MMRN2: variants seen among roughly 807,000 people sequenced by gnomAD.
MMRN2 encodes multimerin-2.
A neutral mutation model predicts 68.8 loss-of-function variants in MMRN2; 53 were observed. The ratio of observed to expected loss-of-function variants is 0.77; its 90% CI spans 0.62 to 0.97. The LOEUF (loss-of-function observed/expected upper bound fraction) is 0.97, where lower values mean the gene tolerates loss of function less well. MMRN2 is among the 50% of genes least tolerant of loss of function. The pLI is 0.00. For synonymous variants in MMRN2, 564 were observed against 551.6 expected, an observed-to-expected ratio of 1.02 and a Z score of -0.32; for missense variants, 1,266 against 1,259.5, an observed-to-expected ratio of 1.01 and a Z score of -0.08.
intron 1 of MMRN2, among the ~76,000 whole-genome samples, chr10:86,952,889 A>G (rs1018140748): frequency 6.6e-6 from 1 of 152,168 alleles, no homozygotes; most frequent in African/African-American, 2.4e-5. Flanking sequence ...TCACAACCGC[A>G]TAGGACAGAC....
Position 86,937,058 on chromosome 10 carries a change from G to A in MMRN2, c.2535C>T (p.Asn845=), listed in dbSNP as rs775988982. The change falls in exon 7 of 7, where the codon AAC becomes AAT. Residue 845 remains asparagine (N), a synonymous_variant. Transcript: ENST00000372027. ...TGCTGCCAATGTTGATGTATGTGGT[G>A]TTGAACTTCACTGTCTGCAGGGCAG... ...GTAALQTVKF[N]TTYINIGSSY... 25 of 1,614,118 alleles carry A rather than the reference G, an allele frequency of 1.5e-5. No homozygotes were observed. The Admixed American group carries it at 4.2e-4, about 27-fold the overall frequency.
In MMRN2 at chr10:86,957,433, T is replaced by C; in HGVS notation, c.109A>G (p.Thr37Ala). 2 of 1,613,756 alleles carry C rather than the reference T, an allele frequency of 1.2e-6. No homozygotes were observed. Among genetic ancestry groups the C allele is most frequent in the Non-Finnish European group, 1.7e-6 (2 of 1,179,974 alleles). The part of the protein sequence containing the change: ...TSLSDLQSSR[T>A]PGVWKAEAED... ...GCCTCTGCCTTCCAGACCCCAGGTG[T>C]CCTGGAGCTCTGCAGATCAGAGAGG... The change falls in exon 1 of 7, where the codon ACA (threonine) becomes GCA (alanine). Residue 37 changes from threonine (T) to alanine (A), a missense_variant. Transcript: ENST00000372027.
rs755516197 is a variant in MMRN2 at position 86,943,411 on chromosome 10, T to A, written c.1373A>T (p.Glu458Val). The change falls in exon 6 of 7, where the codon GAG (glutamate) becomes GTG (valine). Residue 458 changes from glutamate (E) to valine (V), a missense_variant. Glu to Val is a moderately radical substitution (Grantham distance 121). Coordinates refer to ENST00000372027, the MANE Select transcript of MMRN2 (RefSeq NM_024756.3). The surrounding 1 kb of genome is among the most constrained non-coding windows in gnomAD (Gnocchi z 4.2). ...VILMEKSLIM[E>V]ENKEEVERQL... is the part of the protein sequence containing the mutation. The stretch of plus-strand genomic sequence containing the variant: ...CCGCTCCACCTCCTCCTTGTTCTCC[T>A]CCATGATCAGAGACTTCTCCATCAG... 9.3e-6 allele frequency: 15 copies of A among 1,613,916 alleles called. 1 individual carries two copies. The South Asian group carries it at 1.6e-4, about 18-fold the overall frequency.
Position 86,944,135 on chromosome 10 carries a change from C to T in MMRN2, c.656-7G>A. ...AAGGATCTATCAGGGAACTCTGCAA[C>T]AGACATGTGGTGTGACACAAGCCCT... On this transcript the variant is annotated splice_polypyrimidine_tract_variant and splice_region_variant and intron_variant, in intron 5 of 6. Transcript: ENST00000372027. The T allele has an allele frequency of 6.2e-7, 1 of 1,612,024 alleles. No homozygotes were observed. The highest frequency in any genetic ancestry group is 8.5e-7 in the Non-Finnish European group (1 of 1,178,656).
At position 86,950,899 on chromosome 10, in the gene MMRN2, T is replaced by C. The variant is rs560962348; in HGVS notation, c.165-5210A>G. On this transcript the variant is annotated intron_variant, in intron 1 of 6. Coordinates refer to ENST00000372027, the MANE Select transcript of MMRN2 (RefSeq NM_024756.3). ...TAATGCTGAGCAGTACACATGGCCCTATGGATGCGTGCACATGCATTTGCT... is the reference window on the plus strand; with the variant it reads ...TAATGCTGAGCAGTACACATGGCCCCATGGATGCGTGCACATGCATTTGCT... Among the ~76,000 whole-genome samples, 60 of 152,212 alleles carry C rather than the reference T, an allele frequency of 3.9e-4. 1 individual carries two copies. The highest frequency in any genetic ancestry group is 5.1e-4 in the Non-Finnish European group (35 of 68,030).
At chr10:86,942,234 T>G in intron 6 of MMRN2, 83 bp downstream of exon 6, 1 of 1,476,156 alleles carries the variant, frequency 6.8e-7, no homozygotes, top group Non-Finnish European at 9.0e-7. Flanking sequence ...TCTTTCTTCC[T>G]GGCCCTCTTG....
Position 86,936,285 on chromosome 10 carries a change from G to T in MMRN2, c.*458C>A. On this transcript the variant is annotated 3_prime_UTR_variant, in exon 7 of 7. Coordinates refer to ENST00000372027, the MANE Select transcript of MMRN2 (RefSeq NM_024756.3). The stretch of plus-strand genomic sequence containing the variant: ...TGCCCTCTAGTGCTTTCCAATGTTG[G>T]CCAAAATGTTGCCTCCATTTTAAAC... 1 of 420,118 alleles carries T rather than the reference G, an allele frequency of 2.4e-6. No individual in the cohort carries two copies. The highest frequency in any genetic ancestry group is 4.2e-6 in the Non-Finnish European group (1 of 238,504). 26.0% of individuals were successfully genotyped at this position (420,118 alleles called of 1,614,324 possible).
chr10:86,947,394 G>A (rs1844084928), intron 1 of MMRN2, among the ~76,000 whole-genome samples: 1 of 151,676 alleles, frequency 6.6e-6, no homozygotes, highest in African/African-American at 2.4e-5. Flanking sequence ...TTGAGACGGA[G>A]TCTCGCACTG....
intron 4 of MMRN2, 72 bp downstream of exon 4, chr10:86,945,116 C>G: frequency 7.2e-7 from 1 of 1,385,034 alleles, no homozygotes; most frequent in Non-Finnish European, 1.0e-6. Context: ...TGCTGTATCA[C>G]AGGAAAAAGG....
Position 86,942,826 on chromosome 10 carries a change from A to T in MMRN2, c.1958T>A (p.Leu653His). 5.1e-6 allele frequency: 7 copies of T among 1,367,400 alleles called. No homozygotes were observed. The highest frequency in any genetic ancestry group is 6.6e-6 in the Non-Finnish European group (7 of 1,061,588). The allele number at this position is 1,367,400 out of a possible 1,614,324, so 84.7% of individuals were successfully genotyped here. A position where few individuals can be genotyped will look rare whatever the true frequency, so the allele number is the denominator to read the frequency against. The change falls in exon 6 of 7, where the codon CTC (leucine) becomes CAC (histidine). Residue 653 changes from leucine to histidine, a missense_variant. By Grantham distance (99) the Leu-to-His change is moderately conservative. Transcript: ENST00000372027. ...TCGGGCGGCCAGCTCGTCCCAGCCG[A>T]GCGCCTGCTCCTGCAGCCCGCTAGC... ...DAASGLQEQA[L>H]GWDELAARVT... is the part of the protein sequence containing the mutation.
At chr10:86,945,757 G>A (rs1226841868) in intron 1 of MMRN2, 68 bp from the exon 2 acceptor site, 2 of 1,608,034 alleles carry the variant, frequency 1.2e-6, no homozygotes, top group South Asian at 2.2e-5. Context: ...CCAGTGCAGA[G>A]CCACCGGTCC....
At chr10:86,955,210 C>T (rs1276311630) in intron 1 of MMRN2, among the ~76,000 whole-genome samples, 4 of 152,080 alleles carry the variant, frequency 2.6e-5, no homozygotes, top group Admixed American at 6.6e-5. Flanking sequence ...GGGCTCAGCA[C>T]GGTCCCTACC....
chr10:86,950,658 T>C (rs10749543), intron 1 of MMRN2, among the ~76,000 whole-genome samples: 77,540 of 152,002 alleles, frequency 0.51, 20,106 homozygotes, highest in African/African-American at 0.6. Context: ...TCCAAGAAGA[T>C]GCAGCTGATC....
Position 86,936,802 on chromosome 10 carries a change from T to C in MMRN2, c.2791A>G (p.Ile931Val). 3 of 1,614,206 alleles carry C rather than the reference T, an allele frequency of 1.9e-6. No homozygotes were observed. The highest frequency in any genetic ancestry group is 2.5e-6 in the Non-Finnish European group (3 of 1,180,030). ...GTGCCCGACAGGCTTCTCTTTGTTA[T>C]TGATCCCTGGGTTAACTCAAACCAT... ...RVWFELTQGS[I>V]TKRSLSGTAF... The change falls in exon 7 of 7, where the codon ATA (isoleucine) becomes GTA (valine). Residue 931 changes from isoleucine to valine, a missense_variant. Transcript: ENST00000372027.
chr10:86,943,044 C>G lies in MMRN2; in HGVS notation c.1740G>C (p.Ala580=), dbSNP rs1356831537. The change falls in exon 6 of 7, where the codon GCG becomes GCC. Residue 580 remains alanine, a synonymous_variant. Coordinates refer to ENST00000372027, the MANE Select transcript of MMRN2 (RefSeq NM_024756.3). This position sits in a 1 kb window ranked among gnomAD's most constrained non-coding sequence, Gnocchi z 4.2. Reference sequence around the variant, plus strand: ...CCTCGTGGCGGGCCTCGGCCGCGGCCGCCTTCAGCGCGCCCACCTCGTCAT... The same window carrying G: ...CCTCGTGGCGGGCCTCGGCCGCGGCGGCCTTCAGCGCGCCCACCTCGTCAT... ...ALDDEVGALK[A]AAAEARHEVR... 10 of 1,359,278 alleles carry G rather than the reference C, an allele frequency of 7.4e-6. No individual in the cohort carries two copies. The highest frequency in any genetic ancestry group is 8.5e-6 in the Non-Finnish European group (9 of 1,060,144). The allele number at this position is 1,359,278 out of a possible 1,614,324, so 84.2% of individuals were successfully genotyped here. A position where few individuals can be genotyped will look rare whatever the true frequency, so the allele number is the denominator to read the frequency against.
At position 86,942,327 on chromosome 10, in the gene MMRN2, G is replaced by C. The variant is rs1843984203; in HGVS notation, c.2457C>G (p.Leu819=). 6.2e-7 allele frequency: 1 copy of C among 1,609,346 alleles called. No individual in the cohort carries two copies. The highest frequency in any genetic ancestry group is 8.5e-7 in the Non-Finnish European group (1 of 1,177,094). ...AGCCCAGGAACTCACCTGCCTCCCA[G>C]AGCGCCGCGCCCAAGGCACCTGGCA... ...GPVPGALGAA[L]WEAGSPVAFY... Residue 819 remains leucine, a synonymous_variant, in exon 6 of 7, where the codon CTC becomes CTG. Transcript: ENST00000372027.
At chr10:86,948,218 C>A (rs1844096078) in intron 1 of MMRN2, among the ~76,000 whole-genome samples, 3 of 126,434 alleles carry the variant, frequency 2.4e-5, no homozygotes, top group East Asian at 2.2e-4. Context: ...CAGCAAAACC[C>A]TATCTCAAAA....
In MMRN2 at chr10:86,943,208, G is replaced by T; in HGVS notation, c.1576C>A (p.Arg526=). Residue 526 remains arginine (R), a synonymous_variant, in exon 6 of 7, where the codon CGG becomes AGG. Transcript: ENST00000372027. The surrounding 1 kb of genome is among the most constrained non-coding windows in gnomAD (Gnocchi z 4.2). The stretch of plus-strand genomic sequence containing the variant: ...TGCAGGGAGGAGCCGTCCAGCTGCC[G>T]CCGCTCGTCCAGGCTCACCTGGGTC... ...EETQVSLDER[R]QLDGSSLQAL... is the part of the protein sequence containing the mutation. The T allele has an allele frequency of 6.2e-7, 1 of 1,609,590 alleles. No homozygotes were observed.
chr10:86,957,352 C>T (rs757703706), intron 1 of MMRN2, 26 bp downstream of exon 1: 1 of 1,611,630 alleles, frequency 6.2e-7, no homozygotes, highest in Non-Finnish European at 8.5e-7. Context: ...ACTCCATGAC[C>T]TCTGCCAAGG....
Sources: gnomAD v4.1 joint callset for allele counts (sites outside exome capture counted in the v4.1 genomes callset) on GRCh38, gnomAD v4.1.1 for gene constraint, Gnocchi (gnomAD v3.1) non-coding constraint, MANE v1.5 for transcripts, NCBI Gene and HGNC (gene_info 2026-07-23, HGNC 2026-07-21) for gene names.